Variants in E2F3 observed in about 807,000 individuals in gnomAD.
The protein encoded by E2F3 is transcription factor E2F3.
Under a neutral mutation model 44.4 loss-of-function variants are expected in E2F3, and 11 were observed. The observed-to-expected ratio is 0.25, with a 90% CI of 0.16 to 0.41. The LOEUF (loss-of-function observed/expected upper bound fraction) is 0.41, where lower values mean the gene tolerates loss of function less well. Among genes scored for constraint, E2F3 ranks in the 10% least tolerant of loss-of-function variants. The pLI, the probability that E2F3 is intolerant of heterozygous loss-of-function variation, is 1.00. For synonymous variants in E2F3, 249 were observed against 253.0 expected (o/e 0.98, Z 0.15); for missense variants, 487 against 583.6 (o/e 0.83, Z 1.70).
intron 1 of E2F3, among the ~76,000 whole-genome samples, chr6:20,423,544 C>T (rs992255274): frequency 1.3e-5 from 2 of 152,150 alleles, no homozygotes; most frequent in Non-Finnish European, 2.9e-5. Flanking sequence ...GATCTCGGCT[C>T]ACTGCAACCT....
At chr6:20,474,178 C>G (rs1761975819) in intron 1 of E2F3, among the ~76,000 whole-genome samples, 1 of 151,804 alleles carries the variant, frequency 6.6e-6, no homozygotes. Context: ...CCCAAGTGAT[C>G]CTCTTGCCTC....
At chr6:20,457,037 C>T (rs1343593304) in intron 1 of E2F3, among the ~76,000 whole-genome samples, 4 of 152,062 alleles carry the variant, frequency 2.6e-5, no homozygotes, top group Non-Finnish European at 5.9e-5. Flanking sequence ...GAGGATCTGA[C>T]GTAGGTATGG....
Position 20,431,208 on chromosome 6 carries a change from C to T in E2F3, c.393+28583C>T, listed in dbSNP as rs75793172. Among the ~76,000 whole-genome samples, 516 of 152,228 alleles carry T rather than the reference C, an allele frequency of 3.4e-3. 4 individuals are homozygous for T. Among genetic ancestry groups the T allele is most frequent in the African/African-American group, 8.6e-3 (356 of 41,530 alleles). ...AATCTACCCGGTGGGAGGAATGCAA[C>T]TGTCTCTGGATGCCACTATCATTAC... On this transcript the variant is annotated intron_variant, in intron 1 of 6. Transcript: ENST00000346618.
chr6:20,486,932 A>C (rs1048445858), intron 5 of E2F3, 129 bp downstream of exon 5: 3 of 603,816 alleles, frequency 5.0e-6, no homozygotes, highest in Non-Finnish European at 8.7e-6. Flanking sequence ...CATTTATTTT[A>C]CTTAACCATA....
rs143627436 is a variant in E2F3 at position 20,430,084 on chromosome 6, CT to C, written c.393+27460del. ...GGAGGTTATATTTTAAATATAAATT[CT>C]ACTTTTAAATTCTAAATTTGCTATT... On this transcript the variant is annotated intron_variant, in intron 1 of 6. Coordinates refer to ENST00000346618, the MANE Select transcript of E2F3 (RefSeq NM_001949.5). Among the ~76,000 whole-genome samples, 1,307 of 152,144 alleles carry C rather than the reference CT, an allele frequency of 8.6e-3. 20 individuals carry two copies. The highest frequency in any genetic ancestry group is 0.029 in the African/African-American group (1,224 of 41,498).
At chr6:20,457,447 A>T (rs1761348294) in intron 1 of E2F3, among the ~76,000 whole-genome samples, 1 of 147,366 alleles carries the variant, frequency 6.8e-6, no homozygotes, top group South Asian at 2.1e-4. Flanking sequence ...TCGGCCTCCC[A>T]AAGTGGTGGG....
At position 20,412,541 on chromosome 6, in the gene E2F3, C is replaced by T. The variant is rs373222257; in HGVS notation, c.393+9916C>T. ...CATCAGTATGGGGAGATAACAGGAC[C>T]GAAGGTTGGATGTGTTGGCAAAACT... On this transcript the variant is annotated intron_variant, in intron 1 of 6. Coordinates refer to ENST00000346618, the MANE Select transcript of E2F3 (RefSeq NM_001949.5). 4.2e-4 allele frequency among the ~76,000 whole-genome samples: 63 copies of T among 151,214 alleles called. 1 individual carries two copies. In the South Asian group the frequency reaches 0.01, roughly 24 times the overall value.
At chr6:20,460,872 T>C (rs1761478876) in intron 1 of E2F3, among the ~76,000 whole-genome samples, 1 of 151,656 alleles carries the variant, frequency 6.6e-6, no homozygotes, top group Non-Finnish European at 1.5e-5. Context: ...GGTGCACACC[T>C]GTAATCCCAG....
chr6:20,482,795 G>C lies in E2F3; in HGVS notation c.759G>C (p.Leu253=). ...GTCTGTCTGAGGATGGGGGCATGCT[G>C]GCCCAGTGTCAAGGCCTGTCAAAAG... The part of the protein sequence containing the change: ...GCSLSEDGGM[L]AQCQGLSKEV... Residue 253 remains leucine, a synonymous_variant, in exon 4 of 7, where the codon CTG becomes CTC. Transcript: ENST00000346618. 1 of 1,612,654 alleles carries C rather than the reference G, an allele frequency of 6.2e-7. No homozygotes were observed. Among genetic ancestry groups the C allele is most frequent in the Non-Finnish European group, 8.5e-7 (1 of 1,179,502 alleles).
At chr6:20,486,366 G>T (rs183160583) in intron 4 of E2F3, among the ~76,000 whole-genome samples, 1 of 152,136 alleles carries the variant, frequency 6.6e-6, no homozygotes, top group Non-Finnish European at 1.5e-5. Context: ...TCCACCTCCC[G>T]GGTTCATGCC....
rs1762164555 is a variant in E2F3, at chr6:20,479,868, G to A, written c.416G>A (p.Gly139Glu). 2 of 1,612,352 alleles carry A rather than the reference G, an allele frequency of 1.2e-6. No homozygotes were observed. Among genetic ancestry groups the A allele is most frequent in the Admixed American group, 1.7e-5 (1 of 59,722 alleles). The change falls in exon 2 of 7, where the codon GGA (glycine) becomes GAA (glutamate). Residue 139 changes from glycine (G) to glutamate (E), a missense_variant. Physicochemically the swap from Gly to Glu is moderately conservative, Grantham distance 98. This residue lies in a region of E2F3 where 238 missense variants were observed against 236.0 expected (regional missense o/e 1.01). Transcript: ENST00000346618. Reference protein sequence around the residue: ...GPPAKRRLELGESGHQYLSDG... With the variant: ...GPPAKRRLELEESGHQYLSDG... ...CAGGCAAAGCGAAGGCTGGAGCTAG[G>A]AGAAAGCGGTCATCAGTACCTCTCA...
intron 1 of E2F3, 112 bp from the exon 2 acceptor site, chr6:20,479,734 G>A: frequency 1.3e-6 from 1 of 798,922 alleles, no homozygotes; most frequent in East Asian, 2.7e-5. Flanking sequence ...TGGAGCAGAG[G>A]GGTGAGAGCT....
chr6:20,446,858 T>G (rs1341816498), intron 1 of E2F3, among the ~76,000 whole-genome samples: 1 of 152,196 alleles, frequency 6.6e-6, no homozygotes. Context: ...TGAGCAACCA[T>G]GCCCGGCCCT....
At chr6:20,441,677 C>T (rs1294524048) in intron 1 of E2F3, among the ~76,000 whole-genome samples, 4 of 151,018 alleles carry the variant, frequency 2.6e-5, no homozygotes, top group African/African-American at 9.8e-5. Flanking sequence ...TGGGTTCAAG[C>T]GATTCTTCTG....
At position 20,491,084 on chromosome 6, in the gene E2F3, G is replaced by GT. The variant is rs1762540707; in HGVS notation, c.*654_*655insT. Reference sequence around the variant, plus strand: ...CCTGTTTTCAAATATACTTGTTGCAGATACAGAAGACTAGTAGAGTTCTGC... The same window carrying GT: ...CCTGTTTTCAAATATACTTGTTGCAGTATACAGAAGACTAGTAGAGTTCTGC... On this transcript the variant is annotated 3_prime_UTR_variant, in exon 7 of 7. Coordinates refer to ENST00000346618, the MANE Select transcript of E2F3 (RefSeq NM_001949.5). 1 of 230,688 alleles carries GT rather than the reference G, an allele frequency of 4.3e-6. No homozygotes were observed. Among genetic ancestry groups the GT allele is most frequent in the Non-Finnish European group, 8.6e-6 (1 of 116,196 alleles). The allele number at this position is 230,688 out of a possible 1,614,324, so 14.3% of individuals were successfully genotyped here.
chr6:20,432,506 C>T (rs908061062), intron 1 of E2F3, among the ~76,000 whole-genome samples: 20 of 152,258 alleles, frequency 1.3e-4, no homozygotes, highest in African/African-American at 4.8e-4. Flanking sequence ...GTGTAGACCA[C>T]AGACCTTACG....
intron 1 of E2F3, among the ~76,000 whole-genome samples, chr6:20,427,605 G>A (rs1467961913): frequency 6.6e-6 from 1 of 152,082 alleles, no homozygotes; most frequent in East Asian, 1.9e-4. Context: ...GACTCACTGT[G>A]GCCATTGAAT....
chr6:20,453,504 T>C (rs1429058350), intron 1 of E2F3, among the ~76,000 whole-genome samples: 1 of 152,126 alleles, frequency 6.6e-6, no homozygotes, highest in Non-Finnish European at 1.5e-5. Context: ...AGCCTCGACC[T>C]CCTGTGCTCA....
Position 20,493,568 on chromosome 6 carries a change from C to CA in E2F3, c.*3146dup, listed in dbSNP as rs199794702. On this transcript the variant is annotated 3_prime_UTR_variant, in exon 7 of 7. Coordinates refer to ENST00000346618, the MANE Select transcript of E2F3 (RefSeq NM_001949.5). ...ATATGTAATATAATGTAAAAAAAAA[C>CA]AAAAAAAAGCTTTTATGATGGATTT... 5.8e-4 allele frequency: 81 copies of CA among 139,276 alleles called. 1 individual carries two copies. The highest frequency in any genetic ancestry group is 3.8e-3 in the East Asian group (25 of 6,580). 8.6% of individuals were successfully genotyped at this position (139,276 alleles called of 1,614,324 possible). A position where few individuals can be genotyped will look rare whatever the true frequency, so the allele number is the denominator to read the frequency against.
Sources: gnomAD v4.1 joint callset for allele counts (sites outside exome capture counted in the v4.1 genomes callset) on GRCh38, gnomAD v4.1.1 for gene constraint, gnomAD v4.1.1 regional missense constraint, MANE v1.5 for transcripts, NCBI Gene and HGNC (gene_info 2026-07-23, HGNC 2026-07-21) for gene names.